CDKL1: variants seen among roughly 807,000 people sequenced by gnomAD.
The protein encoded by CDKL1 is cyclin dependent kinase like 1, also known as cyclin-dependent kinase-like 1.
Under a neutral mutation model 42.0 loss-of-function variants are expected in CDKL1, and 41 were observed. The observed-to-expected ratio is 0.98, with a 90% CI of 0.76 to 1.27. The LOEUF (loss-of-function observed/expected upper bound fraction) is 1.27. Among genes scored for constraint, CDKL1 ranks in the 50% most tolerant of loss-of-function variants. The pLI is 0.00. For missense variants in CDKL1, 394 were observed against 428.4 expected, an observed-to-expected ratio of 0.92 and a Z score of 0.71; for synonymous variants, 153 against 158.6, an observed-to-expected ratio of 0.96 and a Z score of 0.26.
intron 2 of CDKL1, chr14:50,380,285 A>G (rs2034867176): frequency 3.8e-6 from 2 of 520,210 alleles, no homozygotes; most frequent in Admixed American, 4.0e-5. Flanking sequence ...AGACTTAGGA[A>G]TGCAGAGGTG....
chr14:50,395,009 C>T (rs1167180595), intron 2 of CDKL1, among the ~76,000 whole-genome samples: 4 of 152,168 alleles, frequency 2.6e-5, no homozygotes, highest in Non-Finnish European at 4.4e-5. Flanking sequence ...GATCATTTCA[C>T]TTCTTTAAGA....
At chr14:50,350,947 T>G (rs1362939930) in intron 3 of CDKL1, among the ~76,000 whole-genome samples, 1 of 152,118 alleles carries the variant, frequency 6.6e-6, no homozygotes, top group Non-Finnish European at 1.5e-5. Context: ...AGTGGGAAGA[T>G]GTGGAGAATG....
chr14:50,346,653 T>TTG (rs1271594741), intron 3 of CDKL1, among the ~76,000 whole-genome samples: 14 of 113,908 alleles, frequency 1.2e-4, no homozygotes, highest in African/African-American at 3.8e-4. Context: ...AAATTTTTGG[T>TTG]TTTTTTTTTT....
chr14:50,339,388 A>C (rs1208914842), intron 6 of CDKL1, among the ~76,000 whole-genome samples: 1 of 152,222 alleles, frequency 6.6e-6, no homozygotes, highest in Non-Finnish European at 1.5e-5. Flanking sequence ...AAACGGCAAC[A>C]ACCACAAATC....
chr14:50,374,259 T>C (rs2034666708), intron 2 of CDKL1, among the ~76,000 whole-genome samples: 1 of 152,100 alleles, frequency 6.6e-6, no homozygotes, highest in Non-Finnish European at 1.5e-5. Context: ...GTGTCAGGGG[T>C]TCAGAGGATG....
At chr14:50,341,551 G>C (rs1420453393) in intron 5 of CDKL1, among the ~76,000 whole-genome samples, 3 of 151,838 alleles carry the variant, frequency 2.0e-5, no homozygotes. Flanking sequence ...GGCCGAGGTA[G>C]GTGGTTTGCT....
At chr14:50,331,530 G>C (rs983785796) in intron 9 of CDKL1, 1 of 162,724 alleles carries the variant, frequency 6.1e-6, no homozygotes, top group Non-Finnish European at 1.4e-5. Flanking sequence ...AACACACCCT[G>C]GTACCATTCA....
In CDKL1 at chr14:50,326,883, T is replaced by C. The variant is rs2032725352; in HGVS notation, c.*3191A>G. On this transcript the variant is annotated 3_prime_UTR_variant, in exon 10 of 10. Coordinates refer to ENST00000395834, the MANE Select transcript of CDKL1 (RefSeq NM_004196.7). Reference sequence around the variant, plus strand: ...CAGTGAGACCCCATCTCTAAAAAAATTTTAAAAATTAGGCAGGCATGGTGG... The same window carrying C: ...CAGTGAGACCCCATCTCTAAAAAAACTTTAAAAATTAGGCAGGCATGGTGG... The C allele has an allele frequency of 2.4e-6, 1 of 424,954 alleles. No homozygotes were observed. The highest frequency in any genetic ancestry group is 1.0e-4 in the South Asian group (1 of 10,026). 26.3% of individuals were successfully genotyped at this position (424,954 alleles called of 1,614,324 possible). A position where few individuals can be genotyped will look rare whatever the true frequency, so the allele number is the denominator to read the frequency against.
At chr14:50,335,295 C>CAAA (rs55777134) in intron 7 of CDKL1, among the ~76,000 whole-genome samples, 97 of 54,288 alleles carry the variant, frequency 1.8e-3, no homozygotes, top group African/African-American at 2.3e-3. Flanking sequence ...GACCCTGTCT[C>CAAA]AAAAAAAAAA....
intron 7 of CDKL1, chr14:50,335,797 A>C: frequency 1.0e-6 from 1 of 985,356 alleles, no homozygotes; most frequent in Non-Finnish European, 1.2e-6. Flanking sequence ...CAGCTTTCAC[A>C]GTACAGTATT....
intron 8 of CDKL1, 174 bp from the exon 9 acceptor site, chr14:50,332,606 ACAT>A: frequency 6.7e-7 from 1 of 1,490,932 alleles, no homozygotes; most frequent in Non-Finnish European, 9.0e-7. Flanking sequence ...AATGGCACTC[ACAT>A]ATTAAATAAA....
At chr14:50,356,236 G>T (rs1478832863) in intron 3 of CDKL1, among the ~76,000 whole-genome samples, 4 of 152,022 alleles carry the variant, frequency 2.6e-5, no homozygotes, top group South Asian at 4.2e-4. Flanking sequence ...GACCCCTAAG[G>T]TACTTGATTA....
chr14:50,394,343 C>A (rs1324882046), intron 2 of CDKL1, among the ~76,000 whole-genome samples: 1 of 152,192 alleles, frequency 6.6e-6, no homozygotes, highest in African/African-American at 2.4e-5. Flanking sequence ...CACTCCCCTG[C>A]GGGGCTTTGG....
intron 2 of CDKL1, among the ~76,000 whole-genome samples, chr14:50,384,276 C>T (rs985347906): frequency 8.5e-5 from 13 of 152,172 alleles, no homozygotes; most frequent in Non-Finnish European, 1.6e-4. Flanking sequence ...CCCTAAGGCC[C>T]CAAACTGGCA....
chr14:50,329,894 G>C lies in CDKL1; in HGVS notation c.*180C>G. On this transcript the variant is annotated 3_prime_UTR_variant, in exon 10 of 10. Coordinates refer to ENST00000395834, the MANE Select transcript of CDKL1 (RefSeq NM_004196.7). ...TTTCTTTTCTGGACACCATCATCAA[G>C]CATGGAAGACTGGATCTGGAATTTC... 2.9e-6 allele frequency: 2 copies of C among 689,138 alleles called. No individual in the cohort carries two copies. Among genetic ancestry groups the C allele is most frequent in the Non-Finnish European group, 4.6e-6 (2 of 438,864 alleles). 42.7% of individuals were successfully genotyped at this position (689,138 alleles called of 1,614,324 possible). A position where few individuals can be genotyped will look rare whatever the true frequency, so the allele number is the denominator to read the frequency against.
chr14:50,381,881 T>A (rs1358626778), intron 2 of CDKL1, among the ~76,000 whole-genome samples: 1 of 152,124 alleles, frequency 6.6e-6, no homozygotes, highest in Non-Finnish European at 1.5e-5. Flanking sequence ...CAAGCTATCC[T>A]TCTGCTTCAG....
chr14:50,380,825 T>A (rs2034885840), intron 2 of CDKL1, among the ~76,000 whole-genome samples: 1 of 147,932 alleles, frequency 6.8e-6, no homozygotes, highest in South Asian at 2.1e-4. Context: ...GACAGAGCCT[T>A]GTTCTGTCCT....
intron 4 of CDKL1, chr14:50,342,856 C>T: frequency 8.1e-7 from 1 of 1,235,034 alleles, no homozygotes; most frequent in South Asian, 1.4e-5. Context: ...TCCCTTCCAG[C>T]TCTGACATTC....
At chr14:50,334,752 C>G (rs189283267) in intron 7 of CDKL1, 131 bp from the exon 8 acceptor site, 11 of 663,308 alleles carry the variant, frequency 1.7e-5, no homozygotes, top group African/African-American at 1.1e-4. Flanking sequence ...CACCCAACCT[C>G]CTGCCCAAAA....
Sources: gnomAD v4.1 joint callset for allele counts (sites outside exome capture counted in the v4.1 genomes callset) on GRCh38, gnomAD v4.1.1 for gene constraint, MANE v1.5 for transcripts, NCBI Gene and HGNC (gene_info 2026-07-23, HGNC 2026-07-21) for gene names.